Variants in SLC7A6 observed in about 807,000 individuals in gnomAD.
The protein encoded by SLC7A6 is solute carrier family 7 member 6.
A neutral mutation model predicts 46.6 loss-of-function variants in SLC7A6; 29 were observed. The ratio of observed to expected loss-of-function variants is 0.62; its 90% CI spans 0.46 to 0.85. SLC7A6 has a LOEUF of 0.85. Among genes scored for constraint, SLC7A6 ranks in the 40% least tolerant of loss-of-function variants. SLC7A6 has a pLI of 0.00. For missense variants in SLC7A6, 527 were observed against 647.6 expected (o/e 0.81, Z 2.02); for synonymous variants, 276 against 257.3 (o/e 1.07, Z -0.70).
chr16:68,289,990 T>G (rs573764433), intron 4 of SLC7A6: 1 of 171,994 alleles, frequency 5.8e-6, no homozygotes, highest in South Asian at 1.5e-4. Context: ...TTGACATAAA[T>G]AGGTAGAAGA....
intron 2 of SLC7A6, among the ~76,000 whole-genome samples, chr16:68,274,175 A>G (rs1366766117): frequency 2.0e-5 from 3 of 152,140 alleles, no homozygotes; most frequent in Admixed American, 2.0e-4. Context: ...CTGGCCTGAG[A>G]GTAGCTGCAG....
intron 4 of SLC7A6, 139 bp from the exon 5 acceptor site, chr16:68,290,257 C>T: frequency 1.2e-6 from 1 of 841,186 alleles, no homozygotes; most frequent in South Asian, 2.1e-5. Flanking sequence ...TGTTCCTCCC[C>T]ATTCCTCCTT....
chr16:68,278,884 CG>C (rs1390822050), intron 3 of SLC7A6, among the ~76,000 whole-genome samples: 2 of 151,732 alleles, frequency 1.3e-5, no homozygotes, highest in Non-Finnish European at 2.9e-5. Context: ...CCAGAAGGGG[CG>C]GCCGGGCAGA....
rs1222922145 is a variant in SLC7A6 at position 68,297,306 on chromosome 16, A to T, written c.1526A>T (p.Lys509Met). 2 of 1,614,036 alleles carry T rather than the reference A, an allele frequency of 1.2e-6. No individual in the cohort carries two copies. The highest frequency in any genetic ancestry group is 1.7e-6 in the Non-Finnish European group (2 of 1,180,006). ...GAGCTTGATGTAGCCGAAGAAAAAA[A>T]GGATGAGAGGAAAACTGACTAGAGG... ...LTELDVAEEK[K>M]DERKTD Residue 509 changes from lysine (K) to methionine (M), a missense_variant, in exon 11 of 11, where the codon AAG becomes ATG. Transcript: ENST00000219343.
At chr16:68,286,377 A>T (rs1312012994) in intron 3 of SLC7A6, among the ~76,000 whole-genome samples, 1 of 152,050 alleles carries the variant, frequency 6.6e-6, no homozygotes, top group Non-Finnish European at 1.5e-5. Context: ...CTTGACTGGG[A>T]GTTGCTGTTG....
At chr16:68,270,074 A>AT (rs2042600114) in intron 2 of SLC7A6, among the ~76,000 whole-genome samples, 1 of 152,018 alleles carries the variant, frequency 6.6e-6, no homozygotes. Context: ...AGCCACCCTC[A>AT]GCTTTAGGAT....
At position 68,296,640 on chromosome 16, in the gene SLC7A6, T is replaced by C. The variant is rs1474108484; in HGVS notation, c.1283T>C (p.Phe428Ser). The C allele has an allele frequency of 1.2e-6, 2 of 1,614,204 alleles. No homozygotes were observed. The highest frequency in any genetic ancestry group is 2.2e-5 in the South Asian group (2 of 91,078). The change falls in exon 10 of 11, where the codon TTC (phenylalanine) becomes TCC (serine). Residue 428 changes from phenylalanine to serine, a missense_variant. Phe to Ser is a radical substitution (Grantham distance 155). Coordinates refer to ENST00000219343, the MANE Select transcript of SLC7A6 (RefSeq NM_003983.6). ...CCTCTATTTCAGCTGAGCGTGTTTT[T>C]CCCCATCGTGTTCTGCATATGCTCC... ...RPRPLKLSVF[F>S]PIVFCICSVF... is the part of the protein sequence containing the mutation.
Position 68,297,437 on chromosome 16 carries a change from A to G in SLC7A6, c.*109A>G, listed in dbSNP as rs924001438. On this transcript the variant is annotated 3_prime_UTR_variant, in exon 11 of 11. Transcript: ENST00000219343. ...TGAATTAAAGGAGCCTTTTGACCCAATCATATAGTGGGGCTCAGGGCCAGT... is the reference window on the plus strand; with the variant it reads ...TGAATTAAAGGAGCCTTTTGACCCAGTCATATAGTGGGGCTCAGGGCCAGT... 2 of 859,394 alleles carry G rather than the reference A, an allele frequency of 2.3e-6. No homozygotes were observed. Among genetic ancestry groups the G allele is most frequent in the Non-Finnish European group, 3.6e-6 (2 of 551,986 alleles). The allele number at this position is 859,394 out of a possible 1,614,324, so 53.2% of individuals were successfully genotyped here.
rs2043043038 is a variant in SLC7A6, at chr16:68,291,189, TTTCTC to T, written c.795-19_795-15del. 6.2e-7 allele frequency: 1 copy of T among 1,614,064 alleles called. No individual in the cohort carries two copies. The highest frequency in any genetic ancestry group is 8.5e-7 in the Non-Finnish European group (1 of 1,179,994). ...AGGAGAGGTTGGTTCTAGGTAGTCC[TTTCTC>T]ACTTGTCCTGACAGAAATTTGCCCT... On this transcript the variant is annotated splice_polypyrimidine_tract_variant and intron_variant, in intron 5 of 10. Transcript: ENST00000219343.
Position 68,287,753 on chromosome 16 carries a change from G to C in SLC7A6, c.531G>C (p.Leu177=). The stretch of plus-strand genomic sequence containing the variant: ...TTGTGGTTTTCCTCCTAGGTCTGCT[G>C]ACATTTGTGAACTGTGCCTATGTCA... ...RLLAAACICL[L]TFVNCAYVKW... Residue 177 remains leucine (L), a synonymous_variant, in exon 4 of 11, where the codon CTG becomes CTC. Coordinates refer to ENST00000219343, the MANE Select transcript of SLC7A6 (RefSeq NM_003983.6). 2 of 1,613,452 alleles carry C rather than the reference G, an allele frequency of 1.2e-6. No individual in the cohort carries two copies. Among genetic ancestry groups the C allele is most frequent in the Middle Eastern group, 1.6e-4 (1 of 6,062 alleles).
chr16:68,286,338 A>C (rs1488838169), intron 3 of SLC7A6, among the ~76,000 whole-genome samples: 1 of 152,058 alleles, frequency 6.6e-6, no homozygotes, highest in Non-Finnish European at 1.5e-5. Context: ...GGTTTTACAG[A>C]GGAAGAGGAA....
chr16:68,289,272 A>C (rs1485609334), intron 4 of SLC7A6, among the ~76,000 whole-genome samples: 2 of 152,172 alleles, frequency 1.3e-5, no homozygotes, highest in Admixed American at 1.3e-4. Context: ...CAGCCTGGGC[A>C]ACAAGAACGA....
In SLC7A6 at chr16:68,299,645, T is replaced by C. The variant is rs1401767135; in HGVS notation, c.*2317T>C. ...ATTGGGGAAACTTAATGAGTATAAA[T>C]AGCAGGGAGCACATTGTAACAGCAC... On this transcript the variant is annotated 3_prime_UTR_variant, in exon 11 of 11. Transcript: ENST00000219343. 6.6e-6 allele frequency: 1 copy of C among 152,238 alleles called. No homozygotes were observed. The highest frequency in any genetic ancestry group is 2.4e-5 in the African/African-American group (1 of 41,462). The allele number at this position is 152,238 out of a possible 1,614,324, so 9.4% of individuals were successfully genotyped here. A position where few individuals can be genotyped will look rare whatever the true frequency, so the allele number is the denominator to read the frequency against.
rs1439926178 is a variant in SLC7A6, at chr16:68,274,581, G to A, written c.-36-110G>A. On this transcript the variant is annotated intron_variant, in intron 2 of 10. Transcript: ENST00000219343. ...CTGAGACAGGCCTATTGTAGTTAGGGCTGTGTGCATGGCATGCTGTCCCTA... is the reference window on the plus strand; with the variant it reads ...CTGAGACAGGCCTATTGTAGTTAGGACTGTGTGCATGGCATGCTGTCCCTA... 6 of 852,824 alleles carry A rather than the reference G, an allele frequency of 7.0e-6. No individual in the cohort carries two copies. The South Asian group carries it at 8.6e-5, about 12-fold the overall frequency. 52.8% of individuals were successfully genotyped at this position (852,824 alleles called of 1,614,324 possible). A position where few individuals can be genotyped will look rare whatever the true frequency, so the allele number is the denominator to read the frequency against.
rs2043246148 is a variant in SLC7A6 at position 68,300,218 on chromosome 16, A to G, written c.*2890A>G. ...TCAGTTTCTCAGTTGCGCTAATCACATTTCAAGTGCTCAGCAGCCACCCGT... is the reference window on the plus strand; with the variant it reads ...TCAGTTTCTCAGTTGCGCTAATCACGTTTCAAGTGCTCAGCAGCCACCCGT... On this transcript the variant is annotated 3_prime_UTR_variant, in exon 11 of 11. Transcript: ENST00000219343. 1 of 152,242 alleles carries G rather than the reference A, an allele frequency of 6.6e-6. No individual in the cohort carries two copies. The highest frequency in any genetic ancestry group is 2.1e-4 in the South Asian group (1 of 4,834). 9.4% of individuals were successfully genotyped at this position (152,242 alleles called of 1,614,324 possible). A position where few individuals can be genotyped will look rare whatever the true frequency, so the allele number is the denominator to read the frequency against.
intron 3 of SLC7A6, 94 bp downstream of exon 3, chr16:68,275,343 C>G: frequency 1.4e-6 from 2 of 1,479,012 alleles, no homozygotes; most frequent in Admixed American, 1.9e-5. Flanking sequence ...TGCCTATAAT[C>G]CCAGCACTTT....
chr16:68,274,357 C>T (rs2042671919), intron 2 of SLC7A6, among the ~76,000 whole-genome samples: 1 of 152,156 alleles, frequency 6.6e-6, no homozygotes, highest in Admixed American at 6.5e-5. Context: ...GGGTTTTAAG[C>T]TGGTGAGAAC....
chr16:68,278,846 G>T (rs1029138375), intron 3 of SLC7A6, among the ~76,000 whole-genome samples: 2 of 152,082 alleles, frequency 1.3e-5, no homozygotes, highest in African/African-American at 4.8e-5. Context: ...AGACGGGGTG[G>T]CGGCCGGGCA....
chr16:68,300,744 C>T lies in SLC7A6; in HGVS notation c.*3416C>T. 3.0e-6 allele frequency: 3 copies of T among 985,500 alleles called. No homozygotes were observed. The highest frequency in any genetic ancestry group is 3.6e-6 in the Non-Finnish European group (3 of 829,960). 61.0% of individuals were successfully genotyped at this position (985,500 alleles called of 1,614,324 possible). ...TATCAGAGTTTGGAAGCAGAAATAGCTGTTAACTAAAATCTCCCACTGCTC... is the reference window on the plus strand; with the variant it reads ...TATCAGAGTTTGGAAGCAGAAATAGTTGTTAACTAAAATCTCCCACTGCTC... On this transcript the variant is annotated 3_prime_UTR_variant, in exon 11 of 11. Coordinates refer to ENST00000219343, the MANE Select transcript of SLC7A6 (RefSeq NM_003983.6).
Sources: gnomAD v4.1 joint callset for allele counts (sites outside exome capture counted in the v4.1 genomes callset) on GRCh38, gnomAD v4.1.1 for gene constraint, MANE v1.5 for transcripts, NCBI Gene and HGNC (gene_info 2026-07-23, HGNC 2026-07-21) for gene names.